FGF14: variants seen among roughly 807,000 people sequenced by gnomAD.
FGF14 encodes fibroblast growth factor homologous factor 4.
FGF14 carries 5 observed loss-of-function variants against 25.5 expected under a neutral mutation model. That is an observed-to-expected ratio of 0.20 (90% CI 0.10 to 0.41). The LOEUF is 0.41. Ranked by LOEUF, FGF14 falls within the 10% of genes least tolerant of loss-of-function variation. The pLI is 1.00. For synonymous variants in FGF14, 138 were observed against 118.3 expected (o/e 1.17, Z -1.08); for missense variants, 222 against 320.1 (o/e 0.69, Z 2.34).
rs2033575464 is a variant in FGF14 at position 101,916,912 on chromosome 13, GC to G, written c.-268del. On this transcript the variant is annotated 5_prime_UTR_variant, in exon 1 of 5. Coordinates refer to ENST00000376143, the MANE Select transcript of FGF14 (RefSeq NM_004115.4). ...CGGACGTCGTGGCCGCCGCCGCTTG[GC>G]CACGTCCGAGTGGAGAGCGGGACCG... 6.6e-6 allele frequency among the ~76,000 whole-genome samples: 1 copy of G among 151,998 alleles called. No homozygotes were observed. The highest frequency in any genetic ancestry group is 1.5e-5 in the Non-Finnish European group (1 of 67,948).
chr13:101,801,309 T>C (rs1186246838), intron 3 of FGF14, among the ~76,000 whole-genome samples: 1 of 152,180 alleles, frequency 6.6e-6, no homozygotes, highest in Non-Finnish European at 1.5e-5. Flanking sequence ...ATTAATTATA[T>C]ATTTACTGCA....
chr13:102,005,078 T>A (rs1438826562), intron 1 of FGF14, among the ~76,000 whole-genome samples: 2 of 152,202 alleles, frequency 1.3e-5, no homozygotes, highest in East Asian at 3.9e-4. Context: ...GAGATTGCAT[T>A]AGGAATGTCA....
At chr13:101,739,042 C>T (rs2036371687) in intron 3 of FGF14, among the ~76,000 whole-genome samples, 1 of 141,248 alleles carries the variant, frequency 7.1e-6, no homozygotes, top group South Asian at 2.2e-4. Flanking sequence ...GTGTGTGTAC[C>T]AATTACAAAG....
intron 1 of FGF14, among the ~76,000 whole-genome samples, chr13:101,959,253 C>T (rs552511512): frequency 6.6e-6 from 1 of 152,264 alleles, no homozygotes; most frequent in Non-Finnish European, 1.5e-5. Flanking sequence ...CACTCACTTC[C>T]TGCTGTGCAG....
At chr13:102,013,705 G>C (rs543448297) in intron 1 of FGF14, among the ~76,000 whole-genome samples, 1 of 152,300 alleles carries the variant, frequency 6.6e-6, no homozygotes, top group East Asian at 1.9e-4. Context: ...TTGCCTGGAA[G>C]TGTTTATTTT....
intron 1 of FGF14, among the ~76,000 whole-genome samples, chr13:101,942,171 T>C (rs530633245): frequency 6.6e-6 from 1 of 152,156 alleles, no homozygotes; most frequent in Non-Finnish European, 1.5e-5. Context: ...GAAAGTAAAA[T>C]GTTATTCCTC....
intron 1 of FGF14, among the ~76,000 whole-genome samples, chr13:102,054,505 C>T (rs756064682): frequency 5.9e-5 from 9 of 152,070 alleles, no homozygotes; most frequent in African/African-American, 1.9e-4. Flanking sequence ...AGAAAGAGTC[C>T]GTTTTCTTAA....
intron 1 of FGF14, among the ~76,000 whole-genome samples, chr13:102,319,880 T>C (rs559314074): frequency 2.0e-5 from 3 of 152,334 alleles, no homozygotes; most frequent in African/African-American, 7.2e-5. Flanking sequence ...TGTATGTATG[T>C]ATATATTCAT....
chr13:101,866,223 A>G (rs2044697533), intron 3 of FGF14, among the ~76,000 whole-genome samples: 1 of 152,118 alleles, frequency 6.6e-6, no homozygotes, highest in South Asian at 2.1e-4. Flanking sequence ...AATACAGTTT[A>G]TTTCCTAGGT....
chr13:102,171,027 G>C (rs1348835613), intron 1 of FGF14, among the ~76,000 whole-genome samples: 1 of 152,098 alleles, frequency 6.6e-6, no homozygotes, highest in African/African-American at 2.4e-5. Context: ...GATTGACTTT[G>C]TTAAAGTTAT....
chr13:101,890,623 T>C (rs2046219148), intron 1 of FGF14, among the ~76,000 whole-genome samples: 1 of 152,178 alleles, frequency 6.6e-6, no homozygotes, highest in Non-Finnish European at 1.5e-5. Flanking sequence ...ACAACCTCCA[T>C]GTGGGAACAA....
At chr13:101,849,240 T>G (rs1744094940) in intron 3 of FGF14, among the ~76,000 whole-genome samples, 1 of 151,934 alleles carries the variant, frequency 6.6e-6, no homozygotes, top group African/African-American at 2.4e-5. Context: ...GCATTTAGAG[T>G]GGGAAAAGGG....
intron 3 of FGF14, among the ~76,000 whole-genome samples, chr13:101,763,759 C>G (rs1365522205): frequency 1.3e-5 from 2 of 152,138 alleles, no homozygotes; most frequent in Non-Finnish European, 2.9e-5. Context: ...ACTTGGGAGG[C>G]TGAAGCAGGA....
At chr13:102,253,859 A>C (rs1431118056) in intron 1 of FGF14, among the ~76,000 whole-genome samples, 1 of 152,230 alleles carries the variant, frequency 6.6e-6, no homozygotes, top group Admixed American at 6.5e-5. Context: ...AATGCTATAT[A>C]AGCCTCTTAA....
At chr13:101,800,062 A>T (rs1201927519) in intron 3 of FGF14, among the ~76,000 whole-genome samples, 1 of 150,776 alleles carries the variant, frequency 6.6e-6, no homozygotes, top group Admixed American at 6.6e-5. Context: ...ATAGAGACAT[A>T]AAAAAAATGG....
chr13:101,938,624 T>C (rs968959204), intron 1 of FGF14, among the ~76,000 whole-genome samples: 1 of 152,222 alleles, frequency 6.6e-6, no homozygotes, highest in African/African-American at 2.4e-5. Context: ...ATACAACTTA[T>C]TTTTCCTTCT....
At chr13:101,956,476 T>C (rs1040284420) in intron 1 of FGF14, among the ~76,000 whole-genome samples, 4 of 152,160 alleles carry the variant, frequency 2.6e-5, no homozygotes, top group African/African-American at 9.7e-5. Flanking sequence ...AGGCCTGGAA[T>C]GTATCGGGAG....
intron 1 of FGF14, among the ~76,000 whole-genome samples, chr13:102,233,439 TTATTTAA>T (rs1594514253): frequency 9.3e-6 from 1 of 107,746 alleles, no homozygotes; most frequent in East Asian, 2.7e-4. Flanking sequence ...CCTCATTTTT[TTATTTAA>T]CTTGCTTTTT....
rs1250058894 is a variant in FGF14, at chr13:101,719,906, A to G, written c.*2925T>C. 4 of 152,130 alleles carry G rather than the reference A, an allele frequency of 2.6e-5. No homozygotes were observed. The highest frequency in any genetic ancestry group is 1.9e-4 in the East Asian group (1 of 5,174). 9.4% of individuals were successfully genotyped at this position (152,130 alleles called of 1,614,324 possible). A position where few individuals can be genotyped will look rare whatever the true frequency, so the allele number is the denominator to read the frequency against. On this transcript the variant is annotated 3_prime_UTR_variant, in exon 5 of 5. Transcript: ENST00000376143. ...CGAAGTCTTATCCCAAACAAATAGC[A>G]AGAGAGGTATCATCAAAGAGCTAAA...
Sources: allele counts gnomAD v4.1 joint callset (sites outside exome capture counted in the v4.1 genomes callset), GRCh38; gene constraint gnomAD v4.1.1; transcripts MANE v1.5; gene names NCBI Gene and HGNC (gene_info 2026-07-23, HGNC 2026-07-21).